The following TMTC2 variants were observed in gnomAD, a reference collection of about 807,000 sequenced individuals.
TMTC2 encodes the protein transmembrane O-mannosyltransferase targeting cadherins 2.
TMTC2 carries 43 observed loss-of-function variants against 82.4 expected under a neutral mutation model. The ratio of observed to expected loss-of-function variants is 0.52; its 90% confidence interval spans 0.41 to 0.67. The LOEUF (loss-of-function observed/expected upper bound fraction) is 0.67, where lower values mean the gene tolerates loss of function less well. TMTC2 is among the 30% of genes least tolerant of loss of function. The pLI, the probability that TMTC2 is intolerant of heterozygous loss-of-function variation, is 0.00. For synonymous variants in TMTC2, 408 were observed against 381.9 expected, an observed-to-expected ratio of 1.07 and a Z score of -0.80; for missense variants, 919 against 1,012.4, an observed-to-expected ratio of 0.91 and a Z score of 1.25.
intron 11 of TMTC2, among the ~76,000 whole-genome samples, chr12:83,112,018 A>G (rs1329254096): frequency 2.0e-5 from 3 of 151,638 alleles, no homozygotes; most frequent in Non-Finnish European, 4.4e-5. Flanking sequence ...AGGGAGGAGG[A>G]TTGCTTGAGC....
At chr12:82,789,096 C>CT (rs1878328128) in intron 1 of TMTC2, among the ~76,000 whole-genome samples, 1 of 152,188 alleles carries the variant, frequency 6.6e-6, no homozygotes, top group South Asian at 2.1e-4. Flanking sequence ...TGAGGTAATA[C>CT]TTTTTTGATT....
chr12:82,836,307 T>TA (rs138152370), intron 1 of TMTC2, among the ~76,000 whole-genome samples: 3,918 of 152,272 alleles, frequency 0.026, 178 homozygotes, highest in African/African-American at 0.09. Flanking sequence ...AAAAGCAACT[T>TA]ACAGATATGA....
chr12:83,010,297 G>C (rs1387498394), intron 8 of TMTC2, among the ~76,000 whole-genome samples: 1 of 151,958 alleles, frequency 6.6e-6, no homozygotes. Flanking sequence ...TGTTTATCTT[G>C]TCTGAGTTCC....
At chr12:82,784,277 C>A (rs1878061084) in intron 1 of TMTC2, among the ~76,000 whole-genome samples, 1 of 152,020 alleles carries the variant, frequency 6.6e-6, no homozygotes, top group Non-Finnish European at 1.5e-5. Context: ...CAACTCTTTC[C>A]TTTTTTGGCA....
intron 3 of TMTC2, among the ~76,000 whole-genome samples, chr12:82,929,282 C>T (rs532495890): frequency 1.3e-5 from 2 of 152,076 alleles, no homozygotes; most frequent in African/African-American, 4.8e-5. Context: ...TCAAACTCCT[C>T]TTGAGCTCAA....
At chr12:83,051,671 G>T (rs1381988327) in intron 10 of TMTC2, among the ~76,000 whole-genome samples, 1 of 152,034 alleles carries the variant, frequency 6.6e-6, no homozygotes, top group African/African-American at 2.4e-5. Flanking sequence ...TAGTGGAGAG[G>T]ATTATCAAAT....
At chr12:83,100,581 CTG>C (rs901895429) in intron 11 of TMTC2, among the ~76,000 whole-genome samples, 4 of 151,990 alleles carry the variant, frequency 2.6e-5, no homozygotes, top group African/African-American at 4.8e-5. Context: ...GTCTTTGAAA[CTG>C]TTTCTCCCCA....
chr12:82,846,012 A>G (rs1870648647), intron 1 of TMTC2, among the ~76,000 whole-genome samples: 1 of 151,772 alleles, frequency 6.6e-6, no homozygotes, highest in African/African-American at 2.4e-5. Flanking sequence ...GGGGGAACTA[A>G]AGATATTTTT....
intron 4 of TMTC2, among the ~76,000 whole-genome samples, chr12:82,946,635 G>A (rs1458327594): frequency 1.3e-5 from 2 of 152,136 alleles, no homozygotes; most frequent in East Asian, 3.9e-4. Flanking sequence ...AAGGAGGACA[G>A]TGTGAGGAAA....
chr12:82,857,967 T>G (rs546556307), intron 2 of TMTC2, among the ~76,000 whole-genome samples: 113 of 152,358 alleles, frequency 7.4e-4, no homozygotes, highest in African/African-American at 2.7e-3. Flanking sequence ...TGCTAGACTT[T>G]ACAGGGGAAA....
chr12:82,790,203 A>ACTGTCCAT (rs1878396571), intron 1 of TMTC2, among the ~76,000 whole-genome samples: 1 of 150,616 alleles, frequency 6.6e-6, no homozygotes, highest in South Asian at 2.1e-4. Context: ...AGATGGGTAA[A>ACTGTCCAT]CTGTCCATGG....
At chr12:82,848,570 T>A (rs1402566471) in intron 1 of TMTC2, among the ~76,000 whole-genome samples, 3 of 152,194 alleles carry the variant, frequency 2.0e-5, no homozygotes, top group Non-Finnish European at 4.4e-5. Context: ...AGTGCCTTGC[T>A]TATAAATGAA....
intron 2 of TMTC2, among the ~76,000 whole-genome samples, chr12:82,867,036 A>G (rs1045098110): frequency 2.0e-5 from 3 of 152,182 alleles, no homozygotes; most frequent in Admixed American, 6.5e-5. Context: ...ATAATAAGAA[A>G]CCAAAAGGGA....
chr12:82,948,652 G>C (rs1447742745), intron 4 of TMTC2, among the ~76,000 whole-genome samples: 1 of 152,126 alleles, frequency 6.6e-6, no homozygotes, highest in African/African-American at 2.4e-5. Flanking sequence ...TTAGTGCACT[G>C]CTGTTAAGGG....
At chr12:83,004,749 TTTTTTTTTTTTTTTTTTTG>T in intron 8 of TMTC2, among the ~76,000 whole-genome samples, 1 of 116,234 alleles carries the variant, frequency 8.6e-6, no homozygotes, top group African/African-American at 3.3e-5. Context: ...TTTTTTTTTT[TTTTTTTTTTTTTTTTTTTG>T]AGTAGGGGTA....
At chr12:82,816,968 GTT>G (rs752958581) in intron 1 of TMTC2, among the ~76,000 whole-genome samples, 10 of 135,232 alleles carry the variant, frequency 7.4e-5, no homozygotes, top group Non-Finnish European at 6.4e-5. Context: ...TTCTTTCTTT[GTT>G]TTTTTTTTTT....
chr12:82,695,728 CG>C (rs947239892), intron 1 of TMTC2, among the ~76,000 whole-genome samples: 1 of 152,066 alleles, frequency 6.6e-6, no homozygotes, highest in Non-Finnish European at 1.5e-5. Flanking sequence ...GTGTCCTCTG[CG>C]GGGGGTGCTT....
chr12:82,875,008 A>G (rs1285575594), intron 2 of TMTC2, among the ~76,000 whole-genome samples: 1 of 152,158 alleles, frequency 6.6e-6, no homozygotes, highest in Non-Finnish European at 1.5e-5. Context: ...CTTTCTCTGT[A>G]AAGGCCAGAT....
intron 1 of TMTC2, among the ~76,000 whole-genome samples, chr12:82,697,658 C>T (rs908525661): frequency 5.3e-5 from 8 of 152,230 alleles, no homozygotes; most frequent in South Asian, 4.1e-4. Context: ...AAATCCTAGG[C>T]GATGATCTCT....
Sources: allele counts gnomAD v4.1 joint callset (sites outside exome capture counted in the v4.1 genomes callset), GRCh38; gene constraint gnomAD v4.1.1; transcripts MANE v1.5; gene names NCBI Gene and HGNC (gene_info 2026-07-23, HGNC 2026-07-21).